Variants in DSTN observed in about 807,000 individuals in gnomAD.
DSTN encodes destrin.
Under a neutral mutation model 16.8 loss-of-function variants are expected in DSTN, and 10 were observed. The ratio of observed to expected loss-of-function variants is 0.60; its 90% confidence interval spans 0.37 to 1.01. DSTN has a LOEUF of 1.01. DSTN is among the 50% of genes least tolerant of loss of function. DSTN has a pLI of 0.01. For synonymous variants in DSTN, 57 were observed against 58.9 expected, an observed-to-expected ratio of 0.97 and a Z score of 0.14; for missense variants, 141 against 196.7, an observed-to-expected ratio of 0.72 and a Z score of 1.69.
chr20:17,592,946 T>G (rs2035486012), intron 1 of DSTN, among the ~76,000 whole-genome samples: 1 of 152,210 alleles, frequency 6.6e-6, no homozygotes, highest in Non-Finnish European at 1.5e-5. Flanking sequence ...TATAATTTTC[T>G]TCCTCTTCTT....
chr20:17,578,842 T>C, intron 1 of DSTN, among the ~76,000 whole-genome samples: 1 of 151,412 alleles, frequency 6.6e-6, no homozygotes, highest in East Asian at 2.0e-4. Context: ...ATGCCTGTAA[T>C]CCCAGCTACT....
intron 1 of DSTN, among the ~76,000 whole-genome samples, chr20:17,590,978 T>G (rs977005620): frequency 3.9e-5 from 6 of 152,076 alleles, no homozygotes; most frequent in Non-Finnish European, 8.8e-5. Flanking sequence ...TGTGGTGGTG[T>G]TTGCCTGTAG....
intron 1 of DSTN, among the ~76,000 whole-genome samples, chr20:17,581,758 TA>T (rs2035347173): frequency 6.6e-6 from 1 of 152,168 alleles, no homozygotes; most frequent in African/African-American, 2.4e-5. Flanking sequence ...TAGTTTAGCA[TA>T]AATTGAGGTT....
chr20:17,572,272 C>T (rs1398129751), intron 1 of DSTN, among the ~76,000 whole-genome samples: 1 of 152,188 alleles, frequency 6.6e-6, no homozygotes, highest in Non-Finnish European at 1.5e-5. Flanking sequence ...CAGATGTCTC[C>T]TCCAACAAAA....
chr20:17,595,550 C>T (rs2035517225), intron 1 of DSTN, among the ~76,000 whole-genome samples: 1 of 151,740 alleles, frequency 6.6e-6, no homozygotes, highest in South Asian at 2.1e-4. Context: ...ACCCAGGAGG[C>T]AGAGGTTGCA....
intron 1 of DSTN, among the ~76,000 whole-genome samples, chr20:17,572,791 T>A (rs1330387711): frequency 6.6e-6 from 1 of 152,200 alleles, no homozygotes; most frequent in Non-Finnish European, 1.5e-5. Flanking sequence ...AATAATAATT[T>A]TGAAACATTT....
intron 1 of DSTN, among the ~76,000 whole-genome samples, chr20:17,596,344 CA>C (rs1349174328): frequency 2.6e-5 from 4 of 152,126 alleles, no homozygotes; most frequent in Admixed American, 2.6e-4. Context: ...TGAAGCCTTC[CA>C]ACGAGATCCG....
chr20:17,579,758 A>C (rs1277016955), intron 1 of DSTN, among the ~76,000 whole-genome samples: 1 of 152,242 alleles, frequency 6.6e-6, no homozygotes, highest in East Asian at 1.9e-4. Flanking sequence ...TTCCTGCCTG[A>C]CTAATCAAAA....
intron 1 of DSTN, among the ~76,000 whole-genome samples, chr20:17,597,364 T>A (rs1329546762): frequency 6.6e-6 from 1 of 152,190 alleles, no homozygotes; most frequent in Non-Finnish European, 1.5e-5. Context: ...ATGAATGAGA[T>A]GATGAAATAG....
At chr20:17,592,316 A>T (rs1195070384) in intron 1 of DSTN, among the ~76,000 whole-genome samples, 1 of 151,508 alleles carries the variant, frequency 6.6e-6, no homozygotes, top group Non-Finnish European at 1.5e-5. Context: ...AGTCCCAGCT[A>T]CTCAGGAGGC....
chr20:17,586,059 C>T (rs1037961791), intron 1 of DSTN, among the ~76,000 whole-genome samples: 5 of 151,942 alleles, frequency 3.3e-5, no homozygotes, highest in South Asian at 2.1e-4. Context: ...ACAGGTCGCC[C>T]GAGAGAGGGT....
chr20:17,571,807 C>T (rs562339439), intron 1 of DSTN, among the ~76,000 whole-genome samples: 81 of 152,118 alleles, frequency 5.3e-4, no homozygotes, highest in Non-Finnish European at 1.0e-3. Flanking sequence ...TAAAGCTTAA[C>T]TAAATTCAAG....
chr20:17,574,865 C>CTTTTCTTTT (rs1354147534), intron 1 of DSTN, among the ~76,000 whole-genome samples: 15 of 64,268 alleles, frequency 2.3e-4, no homozygotes, highest in African/African-American at 7.8e-4. Flanking sequence ...CTTTTCTTTT[C>CTTTTCTTTT]TTTTGTTTTT....
chr20:17,602,041 TTGGAGTGTAAAAGGGATA>T (rs2035593126), intron 2 of DSTN, among the ~76,000 whole-genome samples: 1 of 151,978 alleles, frequency 6.6e-6, no homozygotes. Context: ...CATCAATAGC[TTGGAGTGTAAAAGGGATA>T]TGGGAGTAGG....
rs548242874 is a variant in DSTN at position 17,570,128 on chromosome 20, C to T, written c.-81C>T. ...CAGCTCAGCGCTGGGTCTCTCGGTC[C>T]CGCAGCCGTGAGGAGGACGGTCTGC... On this transcript the variant is annotated 5_prime_UTR_variant, in exon 1 of 4. Coordinates refer to ENST00000246069, the MANE Select transcript of DSTN (RefSeq NM_006870.4). 24 of 1,508,788 alleles carry T rather than the reference C, an allele frequency of 1.6e-5. No individual in the cohort carries two copies. The highest frequency in any genetic ancestry group is 2.3e-4 in the Middle Eastern group (1 of 4,420). The allele number at this position is 1,508,788 out of a possible 1,614,324, so 93.5% of individuals were successfully genotyped here.
intron 1 of DSTN, chr20:17,592,205 G>T: frequency 1.6e-6 from 1 of 608,580 alleles, no homozygotes; most frequent in Non-Finnish European, 2.1e-6. Flanking sequence ...GCAGGCAGAT[G>T]ACTTGAGCCC....
chr20:17,609,243 C>T lies in DSTN; in HGVS notation c.*2097C>T, dbSNP rs2035674239. The stretch of plus-strand genomic sequence containing the variant: ...TTTTGAGACAGGGTCTCACTCTTTC[C>T]CCCAGGCTAGAGTGCAGTGGTGCAA... On this transcript the variant is annotated 3_prime_UTR_variant, in exon 4 of 4. Coordinates refer to ENST00000246069, the MANE Select transcript of DSTN (RefSeq NM_006870.4). 6.6e-6 allele frequency: 1 copy of T among 151,878 alleles called. No individual in the cohort carries two copies. Among genetic ancestry groups the T allele is most frequent in the Non-Finnish European group, 1.5e-5 (1 of 68,014 alleles). The allele number at this position is 151,878 out of a possible 1,614,324, so 9.4% of individuals were successfully genotyped here.
chr20:17,578,815 G>A (rs1016045122), intron 1 of DSTN, among the ~76,000 whole-genome samples: 1 of 152,086 alleles, frequency 6.6e-6, no homozygotes, highest in Non-Finnish European at 1.5e-5. Flanking sequence ...TACAAAATTA[G>A]CCGGGTGTGG....
chr20:17,578,374 A>G (rs1600699892), intron 1 of DSTN, among the ~76,000 whole-genome samples: 2 of 152,190 alleles, frequency 1.3e-5, no homozygotes, highest in African/African-American at 4.8e-5. Flanking sequence ...TATACCTTCT[A>G]TTCCCACATA....
Sources: gnomAD v4.1 joint callset for allele counts (sites outside exome capture counted in the v4.1 genomes callset) on GRCh38, gnomAD v4.1.1 for gene constraint, MANE v1.5 for transcripts, NCBI Gene and HGNC (gene_info 2026-07-23, HGNC 2026-07-21) for gene names.